RPTOR: variants seen among roughly 807,000 people sequenced by gnomAD.
The protein encoded by RPTOR is regulatory associated protein of MTOR complex 1.
In RPTOR, 21 loss-of-function variants were observed where a neutral mutation model predicts 169.9. The observed-to-expected ratio is 0.12, with a 90% CI of 0.09 to 0.18. RPTOR has a LOEUF of 0.18. RPTOR is among the 10% of genes least tolerant of loss of function. The pLI, the probability that RPTOR is intolerant of heterozygous loss-of-function variation, is 1.00. For synonymous variants in RPTOR, 732 were observed against 753.2 expected (o/e 0.97, Z 0.46); for missense variants, 1,133 against 1,855.9 (o/e 0.61, Z 7.16).
chr17:80,599,064 T>C (rs2065166864), intron 1 of RPTOR, among the ~76,000 whole-genome samples: 1 of 152,146 alleles, frequency 6.6e-6, no homozygotes, highest in Non-Finnish European at 1.5e-5. Context: ...TGTCCTCACA[T>C]GGCCACAGGC....
chr17:80,641,286 C>G (rs562025028), intron 2 of RPTOR, among the ~76,000 whole-genome samples: 7 of 152,286 alleles, frequency 4.6e-5, no homozygotes, highest in Non-Finnish European at 8.8e-5. Context: ...TAGATATTAC[C>G]TGGTTTTTAC....
chr17:80,858,199 C>T (rs548454930), intron 13 of RPTOR: 1 of 411,854 alleles, frequency 2.4e-6, no homozygotes, highest in African/African-American at 2.0e-5. Flanking sequence ...GTCCCCCTGC[C>T]TGTGTCTGAC....
At chr17:80,852,462 A>T (rs939572434) in intron 11 of RPTOR, among the ~76,000 whole-genome samples, 2 of 152,086 alleles carry the variant, frequency 1.3e-5, no homozygotes, top group Non-Finnish European at 2.9e-5. Flanking sequence ...TCCTGCGAGC[A>T]GTCCCACGTT....
intron 3 of RPTOR, among the ~76,000 whole-genome samples, chr17:80,648,966 G>A (rs960265022): frequency 5.9e-5 from 9 of 152,198 alleles, no homozygotes; most frequent in Non-Finnish European, 1.2e-4. Context: ...CTTCCGCCAT[G>A]ATTGTGAGAC....
chr17:80,556,058 T>G (rs915439011), intron 1 of RPTOR, among the ~76,000 whole-genome samples: 2 of 151,496 alleles, frequency 1.3e-5, no homozygotes, highest in South Asian at 4.2e-4. Context: ...GTAGATACTT[T>G]GTGGTTCCCG....
rs752929480 is a variant in RPTOR at position 80,908,821 on chromosome 17, T to C, written c.2412T>C (p.Phe804=). ...SSLNSLIGVS[F]NSVYTQIWRV... is the part of the protein sequence containing the mutation. ...ATTTCTCTCTCTCAGGAGTTTCCTT[T>C]AACAGTGTTTACACTCAGATTTGGA... Residue 804 remains phenylalanine (F), a synonymous_variant, in exon 21 of 34, where the codon TTT becomes TTC. Coordinates refer to ENST00000306801, the MANE Select transcript of RPTOR (RefSeq NM_020761.3). 2 of 1,613,412 alleles carry C rather than the reference T, an allele frequency of 1.2e-6. No individual in the cohort carries two copies. Among genetic ancestry groups the C allele is most frequent in the South Asian group, 1.1e-5 (1 of 91,044 alleles).
In RPTOR at chr17:80,633,493, T is replaced by G. The variant is rs189046090; in HGVS notation, c.265+7700T>G. On this transcript the variant is annotated intron_variant, in intron 2 of 33. Coordinates refer to ENST00000306801, the MANE Select transcript of RPTOR (RefSeq NM_020761.3). The surrounding 1 kb of genome is among the most constrained non-coding windows in gnomAD (Gnocchi z 4.1). The stretch of plus-strand genomic sequence containing the variant: ...CAGTCTCTTTGTTTTGTAGAATGTC[T>G]CCGGTGTCTCCTAATGATTCCGTTT... Among the ~76,000 whole-genome samples, 7 of 152,336 alleles carry G rather than the reference T, an allele frequency of 4.6e-5. No homozygotes were observed. In the East Asian group the frequency reaches 1.3e-3, roughly 29 times the overall value.
intron 6 of RPTOR, among the ~76,000 whole-genome samples, chr17:80,761,465 G>A (rs2066735890): frequency 6.6e-6 from 1 of 152,160 alleles, no homozygotes; most frequent in Non-Finnish European, 1.5e-5. Flanking sequence ...CTCCTGCATT[G>A]CCCGCAGGAG....
chr17:80,760,299 TC>T, intron 6 of RPTOR, among the ~76,000 whole-genome samples: 2 of 79,766 alleles, frequency 2.5e-5, no homozygotes, highest in Non-Finnish European at 5.5e-5. Context: ...CTTTCTTTTT[TC>T]TTTTTTCTTT....
chr17:80,759,232 T>G (rs1311547157), intron 6 of RPTOR, among the ~76,000 whole-genome samples: 1 of 152,170 alleles, frequency 6.6e-6, no homozygotes, highest in Non-Finnish European at 1.5e-5. Context: ...CTCTGAGGGC[T>G]GCTGGCCTCG....
chr17:80,801,523 TG>T (rs1451934954), intron 7 of RPTOR: 1 of 152,126 alleles, frequency 6.6e-6, no homozygotes, highest in Non-Finnish European at 1.5e-5. Context: ...GCACAGGGTT[TG>T]GGGGGGCAGC....
chr17:80,784,499 C>T (rs1397538515), intron 6 of RPTOR, among the ~76,000 whole-genome samples: 3 of 152,026 alleles, frequency 2.0e-5, no homozygotes, highest in African/African-American at 7.2e-5. Context: ...TCAAGCAATT[C>T]TCCTGCCTCA....
chr17:80,605,431 T>C (rs1318867160), intron 1 of RPTOR, among the ~76,000 whole-genome samples: 1 of 152,086 alleles, frequency 6.6e-6, no homozygotes, highest in African/African-American at 2.4e-5. Context: ...TCAGTGAAAA[T>C]GCACTGCTGG....
At chr17:80,822,461 G>A (rs2067389901) in intron 8 of RPTOR, among the ~76,000 whole-genome samples, 160 bp downstream of exon 8, 1 of 152,226 alleles carries the variant, frequency 6.6e-6, no homozygotes, top group Non-Finnish European at 1.5e-5. Context: ...ACCTAAGGAG[G>A]TGTCTGCGAG....
At chr17:80,810,069 A>AAATT (rs1451105785) in intron 7 of RPTOR, among the ~76,000 whole-genome samples, 1 of 151,170 alleles carries the variant, frequency 6.6e-6, no homozygotes, top group Non-Finnish European at 1.5e-5. Flanking sequence ...ATAAATAAAT[A>AAATT]AATAAATAAA....
chr17:80,727,372 C>A (rs2066347671), intron 4 of RPTOR, among the ~76,000 whole-genome samples: 1 of 151,050 alleles, frequency 6.6e-6, no homozygotes. Flanking sequence ...CATTGCACTT[C>A]TGATCATGTC....
At chr17:80,892,316 C>T (rs1052059963) in intron 18 of RPTOR, among the ~76,000 whole-genome samples, 4 of 152,094 alleles carry the variant, frequency 2.6e-5, no homozygotes, top group Non-Finnish European at 5.9e-5. Context: ...AGGGGCTTGT[C>T]ATCAGCAGTG....
chr17:80,909,230 AT>A (rs11395577), intron 21 of RPTOR, among the ~76,000 whole-genome samples: 6 of 149,226 alleles, frequency 4.0e-5, no homozygotes, highest in South Asian at 4.3e-4. Context: ...CCCTTCTTCC[AT>A]TTTTTTTTTC....
rs949322228 is a variant in RPTOR, at chr17:80,579,279, C to T, written c.162+33488C>T. 5.9e-5 allele frequency among the ~76,000 whole-genome samples: 9 copies of T among 151,986 alleles called. No individual in the cohort carries two copies. In the East Asian group the frequency reaches 1.3e-3, roughly 23 times the overall value. On this transcript the variant is annotated intron_variant, in intron 1 of 33. Transcript: ENST00000306801. ...TGCGATCTCGGCTCACCGCAACCTC[C>T]GCCTCCCGGGTTCAAGCGATTCTTC...
Sources: gnomAD v4.1 joint callset for allele counts (sites outside exome capture counted in the v4.1 genomes callset) on GRCh38, gnomAD v4.1.1 for gene constraint, Gnocchi (gnomAD v3.1) non-coding constraint, MANE v1.5 for transcripts, NCBI Gene and HGNC (gene_info 2026-07-23, HGNC 2026-07-21) for gene names.